CNTN6: variants seen among roughly 807,000 people sequenced by gnomAD.
CNTN6 encodes the protein contactin-6.
A neutral mutation model predicts 122.8 loss-of-function variants in CNTN6; 137 were observed. The ratio of observed to expected loss-of-function variants is 1.12; its 90% CI spans 0.97 to 1.29. CNTN6 has a LOEUF of 1.29. Ranked by LOEUF, CNTN6 falls within the 50% of genes most tolerant of loss-of-function variation. The probability of loss-of-function intolerance (pLI) is 0.00; values close to 1 mark genes in which losing one functional copy is unlikely to be tolerated. For missense variants in CNTN6, 1,634 were observed against 1,223.4 expected (o/e 1.34, Z -5.01); for synonymous variants, 570 against 426.0 (o/e 1.34, Z -4.16).
intron 7 of CNTN6, among the ~76,000 whole-genome samples, chr3:1,320,708 A>G (rs181273140): frequency 6.5e-4 from 98 of 151,856 alleles, no homozygotes; most frequent in African/African-American, 2.2e-3. Flanking sequence ...CTGGGGATTC[A>G]TTTTACAATT....
At chr3:1,369,649 T>C (rs1486657175) in intron 12 of CNTN6, among the ~76,000 whole-genome samples, 1 of 152,194 alleles carries the variant, frequency 6.6e-6, no homozygotes, top group Non-Finnish European at 1.5e-5. Context: ...TGCTGTCATT[T>C]TTAATGTCTG....
intron 20 of CNTN6, among the ~76,000 whole-genome samples, chr3:1,398,914 C>T (rs1210674705): frequency 6.6e-6 from 1 of 152,110 alleles, no homozygotes; most frequent in African/African-American, 2.4e-5. Context: ...GAAAGTTGTG[C>T]TTCTGCTTTG....
At chr3:1,172,429 AT>A (rs2093373070) in intron 2 of CNTN6, among the ~76,000 whole-genome samples, 1 of 152,236 alleles carries the variant, frequency 6.6e-6, no homozygotes, top group South Asian at 2.1e-4. Context: ...CTAAGTACCT[AT>A]AATATTACTT....
At chr3:1,335,069 G>A (rs1702851043) in intron 11 of CNTN6, among the ~76,000 whole-genome samples, 1 of 152,074 alleles carries the variant, frequency 6.6e-6, no homozygotes, top group East Asian at 1.9e-4. Context: ...AAAGTGATTT[G>A]AAGTCAAAGA....
intron 4 of CNTN6, among the ~76,000 whole-genome samples, chr3:1,247,095 C>T (rs540584513): frequency 3.9e-5 from 6 of 152,110 alleles, no homozygotes; most frequent in Admixed American, 2.0e-4. Context: ...TCCTTCCTTG[C>T]GATCATATTT....
At position 1,212,993 on chromosome 3, in the gene CNTN6, G is replaced by A. The variant is rs572043396; in HGVS notation, c.56-7694G>A. On this transcript the variant is annotated intron_variant, in intron 2 of 22. Coordinates refer to ENST00000446702, the MANE Select transcript of CNTN6 (RefSeq NM_001289080.2). ...GATAATTCAACAAGACCTAACTTCT[G>A]TGTCTTTCAAAATGACCTAAAGTTA... Among the ~76,000 whole-genome samples, 7 of 152,230 alleles carry A rather than the reference G, an allele frequency of 4.6e-5. No individual in the cohort carries two copies. In the South Asian group the frequency reaches 1.4e-3, roughly 32 times the overall value.
intron 11 of CNTN6, among the ~76,000 whole-genome samples, chr3:1,341,476 G>C (rs1358812301): frequency 1.3e-5 from 2 of 152,052 alleles, no homozygotes; most frequent in Non-Finnish European, 1.5e-5. Flanking sequence ...TTTTGTTAAT[G>C]TTAAATTGTA....
At chr3:1,121,998 C>T (rs562882181) in intron 1 of CNTN6, among the ~76,000 whole-genome samples, 1 of 151,976 alleles carries the variant, frequency 6.6e-6, no homozygotes, top group Non-Finnish European at 1.5e-5. Flanking sequence ...GTTCTGATCT[C>T]TCTAGACCTC....
intron 4 of CNTN6, among the ~76,000 whole-genome samples, chr3:1,265,903 G>A (rs2094918618): frequency 2.0e-5 from 3 of 151,984 alleles, no homozygotes; most frequent in Non-Finnish European, 1.5e-5. Context: ...ATTTTTTAAT[G>A]AGTAAATTTG....
intron 4 of CNTN6, among the ~76,000 whole-genome samples, chr3:1,257,014 A>G (rs1212836488): frequency 1.3e-5 from 2 of 152,184 alleles, no homozygotes; most frequent in Non-Finnish European, 2.9e-5. Context: ...CCACCCGAAT[A>G]TGCTATTACA....
chr3:1,278,189 T>C (rs567010936), intron 4 of CNTN6, among the ~76,000 whole-genome samples: 82 of 152,302 alleles, frequency 5.4e-4, no homozygotes, highest in Non-Finnish European at 9.7e-4. Flanking sequence ...AGATAGTGAG[T>C]ATTGTCTTTA....
chr3:1,388,622 G>C (rs1295217827), intron 20 of CNTN6, among the ~76,000 whole-genome samples: 1 of 147,586 alleles, frequency 6.8e-6, no homozygotes, highest in African/African-American at 2.5e-5. Context: ...TCTGAGCTAC[G>C]GGAGGACATT....
chr3:1,149,524 C>T (rs991596414), intron 2 of CNTN6, among the ~76,000 whole-genome samples: 2 of 152,044 alleles, frequency 1.3e-5, no homozygotes, highest in Admixed American at 1.3e-4. Context: ...AGAAATCAAA[C>T]AGGAGAATCA....
At chr3:1,160,300 G>A (rs2125240333) in intron 2 of CNTN6, among the ~76,000 whole-genome samples, 1 of 143,712 alleles carries the variant, frequency 7.0e-6, no homozygotes, top group African/African-American at 2.6e-5. Flanking sequence ...AGACACAGAA[G>A]GGTAGCCATT....
intron 2 of CNTN6, among the ~76,000 whole-genome samples, chr3:1,174,316 T>C (rs1456661372): frequency 6.6e-6 from 1 of 152,208 alleles, no homozygotes; most frequent in African/African-American, 2.4e-5. Context: ...TAAATGTCTT[T>C]TAATTGGCAT....
chr3:1,389,173 G>A (rs1337287474), intron 20 of CNTN6, among the ~76,000 whole-genome samples: 3 of 149,858 alleles, frequency 2.0e-5, no homozygotes, highest in Non-Finnish European at 4.5e-5. Flanking sequence ...GAAAGGTCGG[G>A]TTACCCTCAA....
chr3:1,191,428 AT>A (rs545426470), intron 2 of CNTN6, among the ~76,000 whole-genome samples: 20 of 152,132 alleles, frequency 1.3e-4, no homozygotes, highest in Non-Finnish European at 2.6e-4. Context: ...TCCCTAGCCT[AT>A]GAGGTTTGGA....
chr3:1,137,716 T>G (rs2092514118), intron 1 of CNTN6, among the ~76,000 whole-genome samples: 1 of 152,214 alleles, frequency 6.6e-6, no homozygotes, highest in African/African-American at 2.4e-5. Context: ...ATTGTAATTA[T>G]CATGTCATCC....
intron 7 of CNTN6, among the ~76,000 whole-genome samples, chr3:1,304,627 G>T (rs1339399952): frequency 6.6e-6 from 1 of 152,044 alleles, no homozygotes; most frequent in Non-Finnish European, 1.5e-5. Context: ...TGGAATTATA[G>T]ATATATTTCC....
Sources: allele counts gnomAD v4.1 joint callset (sites outside exome capture counted in the v4.1 genomes callset), GRCh38; gene constraint gnomAD v4.1.1; transcripts MANE v1.5; gene names NCBI Gene and HGNC (gene_info 2026-07-23, HGNC 2026-07-21).